SLC16A10: variants seen among roughly 807,000 people sequenced by gnomAD.
SLC16A10 encodes solute carrier family 16 member 10, also known as monocarboxylate transporter 10.
In SLC16A10, 27 loss-of-function variants were observed where a neutral mutation model predicts 40.0. The observed-to-expected ratio is 0.67, with a 90% CI of 0.50 to 0.93. SLC16A10 has a LOEUF of 0.93. Ranked by LOEUF, SLC16A10 falls within the 40% of genes least tolerant of loss-of-function variation. The pLI is 0.00. For synonymous variants in SLC16A10, 213 were observed against 249.8 expected (o/e 0.85, Z 1.39); for missense variants, 529 against 658.2 (o/e 0.80, Z 2.15).
At chr6:111,197,079 AAATTTT>A (rs1026150915) in intron 3 of SLC16A10, among the ~76,000 whole-genome samples, 2 of 152,214 alleles carry the variant, frequency 1.3e-5, no homozygotes, top group African/African-American at 4.8e-5. Flanking sequence ...CCTACTCAAC[AAATTTT>A]AATCTTCATT....
chr6:111,203,335 A>C lies in SLC16A10; in HGVS notation c.943-3257A>C, dbSNP rs145380963. ...GATTCCCTCACATACTGACCAAAGA[A>C]ACTTTTTTAGTTTGCAGATTTTGGT... On this transcript the variant is annotated intron_variant, in intron 3 of 5. Coordinates refer to ENST00000368851, the MANE Select transcript of SLC16A10 (RefSeq NM_018593.5). Among the ~76,000 whole-genome samples, 249 of 152,340 alleles carry C rather than the reference A, an allele frequency of 1.6e-3. 1 individual carries two copies. The highest frequency in any genetic ancestry group is 5.7e-3 in the African/African-American group (237 of 41,576).
chr6:111,100,782 G>A (rs1001812517), intron 1 of SLC16A10, among the ~76,000 whole-genome samples: 2 of 151,742 alleles, frequency 1.3e-5, no homozygotes, highest in African/African-American at 2.4e-5. Context: ...TATCAACAAA[G>A]CCAGGGAATG....
rs925286442 is a variant in SLC16A10 at position 111,225,018 on chromosome 6, T to C, written c.*2783T>C. On this transcript the variant is annotated 3_prime_UTR_variant, in exon 6 of 6. Transcript: ENST00000368851. ...TGAAAGGGAGTAACATTCCTTTTTA[T>C]AGATACTCTAGATTGGATACTATTG... The C allele has an allele frequency of 1.3e-5, 2 of 152,242 alleles. No individual in the cohort carries two copies. Among genetic ancestry groups the C allele is most frequent in the Non-Finnish European group, 2.9e-5 (2 of 68,040 alleles). The allele number at this position is 152,242 out of a possible 1,614,324, so 9.4% of individuals were successfully genotyped here.
intron 1 of SLC16A10, among the ~76,000 whole-genome samples, chr6:111,135,324 C>T (rs904532488): frequency 3.2e-4 from 49 of 152,220 alleles, no homozygotes; most frequent in African/African-American, 1.1e-3. Flanking sequence ...GACTGGAGGC[C>T]CACCAAGGAC....
At position 111,101,387 on chromosome 6, in the gene SLC16A10, T is replaced by TA. The variant is rs774049279; in HGVS notation, c.343+13299dup. On this transcript the variant is annotated intron_variant, in intron 1 of 5. Transcript: ENST00000368851. Reference sequence around the variant, plus strand: ...TGCTCCCTACTGAAGTAAATAGAGTTAAAAAAAGTAATCTGGTACAGACAC... The same window carrying TA: ...TGCTCCCTACTGAAGTAAATAGAGTTAAAAAAAAGTAATCTGGTACAGACAC... Among the ~76,000 whole-genome samples the TA allele has an allele frequency of 2.7e-3, 416 of 152,034 alleles. 3 individuals are homozygous for TA. The highest frequency in any genetic ancestry group is 0.012 in the East Asian group (60 of 5,166).
Position 111,177,596 on chromosome 6 carries a change from A to T in SLC16A10, c.873A>T (p.Thr291=), listed in dbSNP as rs1471651456. Residue 291 remains threonine, a synonymous_variant, in exon 3 of 6, where the codon ACA becomes ACT. Coordinates refer to ENST00000368851, the MANE Select transcript of SLC16A10 (RefSeq NM_018593.5). ...TCAATTTTGCCATCTTCAAGGTGAC[A>T]GCTTATGCAGTGTGGGCAGTTGGAA... The part of the protein sequence containing the change: ...KIFNFAIFKV[T]AYAVWAVGIP... The T allele has an allele frequency of 1.4e-5, 22 of 1,608,380 alleles. No individual in the cohort carries two copies. Among genetic ancestry groups the T allele is most frequent in the East Asian group, 2.2e-5 (1 of 44,840 alleles).
chr6:111,149,195 C>G (rs1473530612), intron 1 of SLC16A10, among the ~76,000 whole-genome samples: 3 of 152,164 alleles, frequency 2.0e-5, no homozygotes, highest in African/African-American at 7.2e-5. Flanking sequence ...GAACATAAGA[C>G]TGTTTTTAAT....
intron 4 of SLC16A10, among the ~76,000 whole-genome samples, chr6:111,211,860 T>C (rs1583365542): frequency 6.6e-6 from 1 of 152,354 alleles, no homozygotes; most frequent in East Asian, 1.9e-4. Flanking sequence ...TTTTTCTCCA[T>C]CCCTGGCTCT....
intron 1 of SLC16A10, among the ~76,000 whole-genome samples, chr6:111,146,102 A>G (rs958729212): frequency 1.3e-5 from 2 of 152,208 alleles, no homozygotes; most frequent in Non-Finnish European, 2.9e-5. Flanking sequence ...AACACTTGCA[A>G]CTCAGCAATA....
At chr6:111,129,832 G>A (rs1771749062) in intron 1 of SLC16A10, among the ~76,000 whole-genome samples, 1 of 152,224 alleles carries the variant, frequency 6.6e-6, no homozygotes, top group South Asian at 2.1e-4. Flanking sequence ...GAAGGCCTGA[G>A]ACAACTGATA....
At chr6:111,149,716 C>T (rs966515050) in intron 1 of SLC16A10, among the ~76,000 whole-genome samples, 15 of 152,218 alleles carry the variant, frequency 9.9e-5, no homozygotes, top group Admixed American at 9.8e-4. Flanking sequence ...TATTTCAAAA[C>T]AGCATGCTTA....
intron 1 of SLC16A10, among the ~76,000 whole-genome samples, chr6:111,092,440 C>T (rs1770996391): frequency 6.7e-6 from 1 of 148,594 alleles, no homozygotes; most frequent in Admixed American, 6.8e-5. Context: ...CCTCAGCCTT[C>T]CGAGTAGCTG....
At chr6:111,088,631 C>G (rs898361846) in intron 1 of SLC16A10, among the ~76,000 whole-genome samples, 1 of 152,148 alleles carries the variant, frequency 6.6e-6, no homozygotes, top group East Asian at 1.9e-4. Context: ...GCAAGAGTCA[C>G]GGTTCCGTGC....
At chr6:111,174,504 C>T (rs1772643396) in intron 2 of SLC16A10, among the ~76,000 whole-genome samples, 1 of 151,814 alleles carries the variant, frequency 6.6e-6, no homozygotes, top group Non-Finnish European at 1.5e-5. Context: ...ATATTTTCAT[C>T]TTTAAAGTAC....
At chr6:111,149,472 AG>A (rs1439162056) in intron 1 of SLC16A10, among the ~76,000 whole-genome samples, 4 of 152,266 alleles carry the variant, frequency 2.6e-5, no homozygotes, top group Non-Finnish European at 5.9e-5. Context: ...TTTTAAAAGC[AG>A]GACCTGGGTC....
At chr6:111,216,560 G>T (rs933972929) in intron 4 of SLC16A10, among the ~76,000 whole-genome samples, 8 of 135,038 alleles carry the variant, frequency 5.9e-5, no homozygotes, top group Middle Eastern at 3.6e-3. Context: ...CCACCACCAC[G>T]CCCGGCTAAC....
intron 4 of SLC16A10, among the ~76,000 whole-genome samples, chr6:111,211,257 C>T (rs1022934028): frequency 1.3e-5 from 2 of 151,984 alleles, no homozygotes; most frequent in African/African-American, 4.8e-5. Context: ...CATTTTATTC[C>T]AAAACAATGT....
At chr6:111,164,894 C>G (rs1029304228) in intron 1 of SLC16A10, among the ~76,000 whole-genome samples, 3 of 152,184 alleles carry the variant, frequency 2.0e-5, no homozygotes, top group African/African-American at 7.2e-5. Context: ...ATCTCTAAAA[C>G]TTTTTATTTT....
chr6:111,124,881 A>G (rs1047851132), intron 1 of SLC16A10, among the ~76,000 whole-genome samples: 3 of 152,118 alleles, frequency 2.0e-5, no homozygotes, highest in South Asian at 2.1e-4. Context: ...ATTTTCATCT[A>G]TTGATAACTG....
Sources: gnomAD v4.1 joint callset for allele counts (sites outside exome capture counted in the v4.1 genomes callset) on GRCh38, gnomAD v4.1.1 for gene constraint, MANE v1.5 for transcripts, NCBI Gene and HGNC (gene_info 2026-07-23, HGNC 2026-07-21) for gene names.